The following RADIL variants were observed in gnomAD, a reference collection of about 807,000 sequenced individuals.
RADIL encodes Rap associating with DIL domain.
Under a neutral mutation model 97.6 loss-of-function variants are expected in RADIL, and 99 were observed. The ratio of observed to expected loss-of-function variants is 1.01; its 90% CI spans 0.86 to 1.20. The LOEUF is 1.20. Among genes scored for constraint, RADIL ranks in the 50% most tolerant of loss-of-function variants. The pLI, the probability that RADIL is intolerant of heterozygous loss-of-function variation, is 0.00. For missense variants in RADIL, 1,765 were observed against 1,498.9 expected, an observed-to-expected ratio of 1.18 and a Z score of -2.93; for synonymous variants, 803 against 691.8, an observed-to-expected ratio of 1.16 and a Z score of -2.52.
In RADIL at chr7:4,815,529, G is replaced by A. The variant is rs1481594912; in HGVS notation, c.1967-79C>T. ...AGACATGGGCCTGTCCCCAGAGCCT[G>A]CCCTTCCCGGCTCTGGGCCACTGAG... On this transcript the variant is annotated intron_variant, in intron 8 of 14. Transcript: ENST00000399583. The surrounding 1 kb of genome is among the most constrained non-coding windows in gnomAD (Gnocchi z 8.0). 1 of 1,376,268 alleles carries A rather than the reference G, an allele frequency of 7.3e-7. No homozygotes were observed. Among genetic ancestry groups the A allele is most frequent in the African/African-American group, 1.5e-5 (1 of 67,820 alleles). 85.3% of individuals were successfully genotyped at this position (1,376,268 alleles called of 1,614,324 possible).
At chr7:4,864,050 A>G (rs1784080833) in intron 2 of RADIL, among the ~76,000 whole-genome samples, 1 of 152,256 alleles carries the variant, frequency 6.6e-6, no homozygotes, top group African/African-American at 2.4e-5. Context: ...CACTTTACAT[A>G]GAAAGATTTT....
At chr7:4,812,305 T>A (rs904206460) in intron 9 of RADIL, among the ~76,000 whole-genome samples, 2 of 152,256 alleles carry the variant, frequency 1.3e-5, no homozygotes, top group African/African-American at 4.8e-5. Context: ...CAGCAAAAAG[T>A]TGGTTATGAT....
intron 9 of RADIL, among the ~76,000 whole-genome samples, chr7:4,808,202 C>T (rs1583267951): frequency 6.8e-6 from 1 of 147,058 alleles, no homozygotes; most frequent in South Asian, 2.3e-4. Flanking sequence ...TTACTCTCCT[C>T]CCTACCCTGG....
Position 4,835,049 on chromosome 7 carries a change from A to T in RADIL, c.974T>A (p.Ile325Asn). 6.2e-7 allele frequency: 1 copy of T among 1,609,506 alleles called. No individual in the cohort carries two copies. Among genetic ancestry groups the T allele is most frequent in the Non-Finnish European group, 8.5e-7 (1 of 1,178,452 alleles). ...LVLEPIPGAH[I>N]SVNFSEVGHR... ...CCCCACCTCGGAGAAGTTGACGGAG[A>T]TGTGCGCCCCGGGGATGGGCTCCAG... Residue 325 changes from isoleucine to asparagine, a missense_variant, in exon 4 of 15, where the codon ATC becomes AAC. Ile to Asn is a moderately radical substitution (Grantham distance 149). Coordinates refer to ENST00000399583, the MANE Select transcript of RADIL (RefSeq NM_018059.5). The surrounding 1 kb of genome is among the most constrained non-coding windows in gnomAD (Gnocchi z 5.8).
chr7:4,865,468 T>C, intron 2 of RADIL: 2 of 768,442 alleles, frequency 2.6e-6, no homozygotes, highest in South Asian at 2.8e-5. Flanking sequence ...TCCTGGTTAA[T>C]CTGGAAGTAA....
In RADIL at chr7:4,879,267, G is replaced by C. The variant is rs969917394; in HGVS notation, c.-64-1064C>G. Among the ~76,000 whole-genome samples, 3 of 152,224 alleles carry C rather than the reference G, an allele frequency of 2.0e-5. No individual in the cohort carries two copies. The highest frequency in any genetic ancestry group is 4.4e-5 in the Non-Finnish European group (3 of 68,042). The stretch of plus-strand genomic sequence containing the variant: ...CGTGTCATACAATCACACTTCTAAT[G>C]TCCGTAGCGTGCCCAGGGCCAGGAG... On this transcript the variant is annotated intron_variant, in intron 1 of 14. Transcript: ENST00000399583. This position sits in a 1 kb window ranked among gnomAD's most constrained non-coding sequence, Gnocchi z 4.1.
At position 4,817,797 on chromosome 7, in the gene RADIL, A is replaced by G. The variant is rs1782717264; in HGVS notation, c.1616-446T>C. 6.6e-6 allele frequency among the ~76,000 whole-genome samples: 1 copy of G among 152,184 alleles called. No individual in the cohort carries two copies. On this transcript the variant is annotated intron_variant, in intron 6 of 14. Transcript: ENST00000399583. The surrounding 1 kb of genome is among the most constrained non-coding windows in gnomAD (Gnocchi z 8.3). ...CTGTGGAATCATAAGTCTTTTGGGA[A>G]GAAAAAGCCCAAATCAGCTATTTCA...
chr7:4,812,659 T>A (rs1782578204), intron 9 of RADIL, among the ~76,000 whole-genome samples: 1 of 151,958 alleles, frequency 6.6e-6, no homozygotes, highest in Non-Finnish European at 1.5e-5. Flanking sequence ...TGACCTCAAA[T>A]GATCCACCTG....
intron 4 of RADIL, among the ~76,000 whole-genome samples, chr7:4,833,772 C>G (rs1489870174): frequency 1.3e-5 from 2 of 149,960 alleles, no homozygotes; most frequent in Non-Finnish European, 1.5e-5. Flanking sequence ...CCCTGGGAGC[C>G]AAGTCACTGT....
At chr7:4,874,849 G>A (rs1183978519) in intron 2 of RADIL, among the ~76,000 whole-genome samples, 3 of 152,016 alleles carry the variant, frequency 2.0e-5, no homozygotes, top group Non-Finnish European at 4.4e-5. Context: ...CCTGAGGTCC[G>A]GAGTTCGAGA....
chr7:4,840,632 C>T lies in RADIL; in HGVS notation c.536-4027G>A, dbSNP rs114946996. On this transcript the variant is annotated intron_variant, in intron 2 of 14. Transcript: ENST00000399583. The surrounding 1 kb of genome is among the most constrained non-coding windows in gnomAD (Gnocchi z 5.6). ...CCCTTATGCTACCAATGGGAGATTC[C>T]GCCAACATGAAATAAGTTCAGTGAG... is the stretch of plus-strand genomic sequence containing the variant. Among the ~76,000 whole-genome samples, 3,671 of 152,268 alleles carry T rather than the reference C, an allele frequency of 0.024. 54 individuals are homozygous for T. The highest frequency in any genetic ancestry group is 0.037 in the African/African-American group (1,524 of 41,544).
chr7:4,870,854 G>A (rs140890126), intron 2 of RADIL, among the ~76,000 whole-genome samples: 26 of 152,256 alleles, frequency 1.7e-4, no homozygotes, highest in African/African-American at 5.8e-4. Context: ...GACGTCACCC[G>A]AGTCCCCAGG....
At chr7:4,823,700 TCCCAAA>T (rs1782897676) in intron 5 of RADIL, among the ~76,000 whole-genome samples, 1 of 152,136 alleles carries the variant, frequency 6.6e-6, no homozygotes, top group South Asian at 2.1e-4. Context: ...AGCTCAGAGC[TCCCAAA>T]CCCTTTCTCC....
At chr7:4,845,918 C>T (rs1302904996) in intron 2 of RADIL, among the ~76,000 whole-genome samples, 1 of 152,104 alleles carries the variant, frequency 6.6e-6, no homozygotes, top group Admixed American at 6.6e-5. Context: ...TTCCTCCAGC[C>T]GAAACCAGGG....
At chr7:4,871,804 C>A (rs1562459136) in intron 2 of RADIL, among the ~76,000 whole-genome samples, 1 of 152,344 alleles carries the variant, frequency 6.6e-6, no homozygotes, top group South Asian at 2.1e-4. Context: ...TAAGCACCTA[C>A]TGTATACCAG....
intron 2 of RADIL, chr7:4,859,749 T>G: frequency 1.6e-6 from 1 of 616,998 alleles, no homozygotes; most frequent in Non-Finnish European, 2.9e-6. Flanking sequence ...AGATCTATAC[T>G]GATGTTCCCT....
Position 4,877,967 on chromosome 7 carries a change from TG to T in RADIL, c.172del (p.Gln58SerfsTer8), listed in dbSNP as rs1784408647. 6.2e-7 allele frequency: 1 copy of T among 1,611,644 alleles called. No individual in the cohort carries two copies. The highest frequency in any genetic ancestry group is 2.2e-5 in the East Asian group (1 of 44,860). On this transcript the variant is annotated frameshift_variant, in exon 2 of 15. Coordinates refer to ENST00000399583, the MANE Select transcript of RADIL (RefSeq NM_018059.5). LOFTEE classifies it high-confidence loss of function. ...CTTCAGGACACCAGGGGCCGACAGCTGGGTGGAGAGCTCGGCGGGGTCATCG... is the reference window on the plus strand; with the variant it reads ...CTTCAGGACACCAGGGGCCGACAGCTGGTGGAGAGCTCGGCGGGGTCATCG... ...ASDDPAELST[Q>X]LSAPGVLKVF...
At position 4,825,331 on chromosome 7, in the gene RADIL, A is replaced by T. The variant is rs534865929; in HGVS notation, c.1455-2777T>A. On this transcript the variant is annotated intron_variant, in intron 5 of 14. Transcript: ENST00000399583. ...GAAGCACTGGAGTCCCACTCCTGGG[A>T]ACCAAGGCGATGGAAACACTCGCAG... Among the ~76,000 whole-genome samples the T allele has an allele frequency of 3.9e-5, 6 of 152,288 alleles. No individual in the cohort carries two copies. In the South Asian group the frequency reaches 1.0e-3, roughly 26 times the overall value.
intron 2 of RADIL, among the ~76,000 whole-genome samples, chr7:4,844,439 A>G (rs6969146): frequency 0.54 from 82,682 of 151,728 alleles, 23,374 homozygotes; most frequent in African/African-American, 0.7. Context: ...GTGAGACTCC[A>G]TCTAAAAAAA....
Sources: gnomAD v4.1 joint callset for allele counts (sites outside exome capture counted in the v4.1 genomes callset) on GRCh38, gnomAD v4.1.1 for gene constraint, Gnocchi (gnomAD v3.1) non-coding constraint, MANE v1.5 for transcripts, NCBI Gene and HGNC (gene_info 2026-07-23, HGNC 2026-07-21) for gene names.